Variants in CNTN5 observed in about 807,000 individuals in gnomAD.
The protein encoded by CNTN5 is contactin 5, also known as contactin-5.
A neutral mutation model predicts 129.1 loss-of-function variants in CNTN5; 77 were observed. The ratio of observed to expected loss-of-function variants is 0.60; its 90% CI spans 0.50 to 0.72. CNTN5 has a LOEUF of 0.72. CNTN5 is among the 30% of genes least tolerant of loss of function. CNTN5 has a pLI of 0.00. For missense variants in CNTN5, 1,478 were observed against 1,328.8 expected, an observed-to-expected ratio of 1.11 and a Z score of -1.75; for synonymous variants, 509 against 465.6, an observed-to-expected ratio of 1.09 and a Z score of -1.20.
At chr11:99,940,308 G>A (rs956542515) in intron 7 of CNTN5, among the ~76,000 whole-genome samples, 19 of 152,064 alleles carry the variant, frequency 1.2e-4, no homozygotes, top group Non-Finnish European at 7.4e-5. Context: ...TTAGCTTTTA[G>A]ATCCTCCAAA....
chr11:99,949,537 A>G (rs1051061249), intron 7 of CNTN5, among the ~76,000 whole-genome samples: 1 of 152,166 alleles, frequency 6.6e-6, no homozygotes, highest in African/African-American at 2.4e-5. Flanking sequence ...TTTGGAACCT[A>G]GGTTGAGATC....
chr11:100,251,530 G>T (rs2138712692), intron 16 of CNTN5, among the ~76,000 whole-genome samples: 1 of 152,128 alleles, frequency 6.6e-6, no homozygotes, highest in Admixed American at 6.6e-5. Context: ...CTTCTGTCTA[G>T]CTGTACTTTT....
At chr11:100,284,625 A>G (rs962583053) in intron 18 of CNTN5, among the ~76,000 whole-genome samples, 2 of 152,350 alleles carry the variant, frequency 1.3e-5, no homozygotes, top group Non-Finnish European at 2.9e-5. Context: ...CATTTAATTG[A>G]ATTTTAATAT....
intron 2 of CNTN5, among the ~76,000 whole-genome samples, chr11:99,356,188 A>C (rs1014508951): frequency 2.0e-5 from 3 of 146,816 alleles, no homozygotes; most frequent in East Asian, 2.0e-4. Flanking sequence ...TGCCTTAACC[A>C]CCCCCCCCCA....
intron 1 of CNTN5, among the ~76,000 whole-genome samples, chr11:99,033,299 G>C (rs915698462): frequency 6.6e-6 from 1 of 152,004 alleles, no homozygotes; most frequent in South Asian, 2.1e-4. Flanking sequence ...TTCCAATTCT[G>C]TGAAGAAAGT....
intron 13 of CNTN5, among the ~76,000 whole-genome samples, chr11:100,163,669 T>C (rs933947799): frequency 2.0e-5 from 3 of 151,826 alleles, no homozygotes; most frequent in African/African-American, 7.2e-5. Context: ...GCTGACCTTG[T>C]TTATTTGCTC....
At chr11:99,266,870 C>T (rs987473680) in intron 1 of CNTN5, among the ~76,000 whole-genome samples, 3 of 151,878 alleles carry the variant, frequency 2.0e-5, no homozygotes, top group Non-Finnish European at 4.4e-5. Flanking sequence ...GTATGCGCAA[C>T]CTCAAATAAC....
intron 6 of CNTN5, among the ~76,000 whole-genome samples, chr11:99,861,394 G>C (rs1948203358): frequency 1.3e-5 from 2 of 152,150 alleles, no homozygotes; most frequent in Admixed American, 1.3e-4. Flanking sequence ...CTATTCAACA[G>C]TGTATTCACA....
rs375184608 is a variant in CNTN5, at chr11:99,367,774, A to G, written c.-71+42290A>G. ...AGAGAGAAGATTTAATGAATATTGG[A>G]ATTAAAAGAAGAAATTGAATGAATT... On this transcript the variant is annotated intron_variant, in intron 2 of 24. Coordinates refer to ENST00000524871, the MANE Select transcript of CNTN5 (RefSeq NM_014361.4). 4.6e-5 allele frequency among the ~76,000 whole-genome samples: 7 copies of G among 152,236 alleles called. No homozygotes were observed. In the East Asian group the frequency reaches 1.2e-3, roughly 25 times the overall value.
At chr11:99,787,604 A>T (rs1450535079) in intron 3 of CNTN5, among the ~76,000 whole-genome samples, 1 of 151,950 alleles carries the variant, frequency 6.6e-6, no homozygotes, top group Non-Finnish European at 1.5e-5. Flanking sequence ...CATTGCCAGT[A>T]AGCTGAAGAA....
chr11:99,165,643 G>A (rs1860831931), intron 1 of CNTN5, among the ~76,000 whole-genome samples: 1 of 152,182 alleles, frequency 6.6e-6, no homozygotes, highest in African/African-American at 2.4e-5. Context: ...ACAGATTTGA[G>A]AGATGCTTGA....
chr11:99,979,576 T>A (rs1461136725), intron 8 of CNTN5, among the ~76,000 whole-genome samples: 1 of 152,188 alleles, frequency 6.6e-6, no homozygotes, highest in African/African-American at 2.4e-5. Context: ...GGAGGTAGTT[T>A]ACTTTTTCTT....
At chr11:100,325,814 ATCAG>A (rs541885000) in intron 21 of CNTN5, among the ~76,000 whole-genome samples, 160 of 152,366 alleles carry the variant, frequency 1.1e-3, no homozygotes, top group Non-Finnish European at 1.7e-3. Flanking sequence ...ACAGTTGAAG[ATCAG>A]TCAGATAAGA....
rs186185150 is a variant in CNTN5, at chr11:99,055,884, C to A, written c.-210+34614C>A. On this transcript the variant is annotated intron_variant, in intron 1 of 24. Transcript: ENST00000524871. ...TCAGGCTCCCTCTATTCCTTCAGAC[C>A]GATCATCCAGGCTCCAGTGAATGTT... Among the ~76,000 whole-genome samples the A allele has an allele frequency of 6.5e-3, 993 of 152,006 alleles. 14 individuals carry two copies. Among genetic ancestry groups the A allele is most frequent in the African/African-American group, 0.023 (959 of 41,492 alleles).
chr11:99,908,286 G>A (rs1343350830), intron 6 of CNTN5, among the ~76,000 whole-genome samples: 1 of 151,946 alleles, frequency 6.6e-6, no homozygotes, highest in Non-Finnish European at 1.5e-5. Flanking sequence ...ACTGAAGAGG[G>A]TAGTTAAGCG....
intron 1 of CNTN5, among the ~76,000 whole-genome samples, chr11:99,157,091 GTGA>G (rs1192193232): frequency 6.6e-6 from 1 of 151,882 alleles, no homozygotes; most frequent in Admixed American, 6.5e-5. Flanking sequence ...GTAAGTTTTG[GTGA>G]TGATAAGTAG....
intron 3 of CNTN5, among the ~76,000 whole-genome samples, chr11:99,744,892 A>G (rs1944005301): frequency 1.3e-5 from 2 of 151,798 alleles, no homozygotes; most frequent in Non-Finnish European, 2.9e-5. Flanking sequence ...CCATAGCTGC[A>G]TATTAAGACC....
chr11:99,982,019 A>G (rs1938380576), intron 8 of CNTN5, among the ~76,000 whole-genome samples: 1 of 152,216 alleles, frequency 6.6e-6, no homozygotes, highest in African/African-American at 2.4e-5. Context: ...CCATCGATGT[A>G]ATTATATACA....
At chr11:99,850,222 T>G (rs545801235) in intron 6 of CNTN5, among the ~76,000 whole-genome samples, 48 of 152,148 alleles carry the variant, frequency 3.2e-4, no homozygotes, top group Non-Finnish European at 5.0e-4. Context: ...ATATTTTTTC[T>G]TTTAATAAAA....
Sources: allele counts gnomAD v4.1 joint callset (sites outside exome capture counted in the v4.1 genomes callset), GRCh38; gene constraint gnomAD v4.1.1; transcripts MANE v1.5; gene names NCBI Gene and HGNC (gene_info 2026-07-23, HGNC 2026-07-21).